SLC30A9: variants seen among roughly 807,000 people sequenced by gnomAD.
The protein encoded by SLC30A9 is proton-coupled zinc antiporter SLC30A9, mitochondrial.
A neutral mutation model predicts 87.5 loss-of-function variants in SLC30A9; 58 were observed. The ratio of observed to expected loss-of-function variants is 0.66; its 90% confidence interval spans 0.54 to 0.82. The LOEUF (loss-of-function observed/expected upper bound fraction) is 0.82, where lower values mean the gene tolerates loss of function less well. Ranked by LOEUF, SLC30A9 falls within the 40% of genes least tolerant of loss-of-function variation. SLC30A9 has a pLI of 0.00. For synonymous variants in SLC30A9, 234 were observed against 233.0 expected (o/e 1.00, Z -0.04); for missense variants, 557 against 679.1 (o/e 0.82, Z 2.00).
chr4:42,046,089 A>T (rs891641085), intron 8 of SLC30A9, among the ~76,000 whole-genome samples: 1 of 152,220 alleles, frequency 6.6e-6, no homozygotes, highest in African/African-American at 2.4e-5. Flanking sequence ...GTATCTCAAA[A>T]TAAAAAGAGC....
At chr4:42,007,843 ATTC>A (rs1715280012) in intron 2 of SLC30A9, among the ~76,000 whole-genome samples, 2 of 152,134 alleles carry the variant, frequency 1.3e-5, no homozygotes, top group South Asian at 2.1e-4. Context: ...CTGTGGTAGT[ATTC>A]TCCCTGGGAT....
intron 2 of SLC30A9, among the ~76,000 whole-genome samples, chr4:42,011,097 C>G (rs575659786): frequency 2.6e-5 from 4 of 152,090 alleles, no homozygotes; most frequent in Non-Finnish European, 5.9e-5. Flanking sequence ...CATTTTCATG[C>G]TGCTATGAGG....
chr4:42,020,742 C>A, intron 4 of SLC30A9: 2 of 384,306 alleles, frequency 5.2e-6, no homozygotes, highest in South Asian at 1.1e-4. Flanking sequence ...TTTCTTAAAC[C>A]CACAATGGTA....
chr4:42,018,221 T>C (rs1435455053), intron 3 of SLC30A9, 51 bp downstream of exon 3: 3 of 1,034,112 alleles, frequency 2.9e-6, no homozygotes, highest in Non-Finnish European at 4.4e-6. Context: ...TTGAATTAAA[T>C]ATATAACATT....
chr4:42,021,557 CT>C (rs1715949409), intron 4 of SLC30A9, among the ~76,000 whole-genome samples: 1 of 152,020 alleles, frequency 6.6e-6, no homozygotes, highest in African/African-American at 2.4e-5. Context: ...ATATATAAGC[CT>C]TTCAGAATTT....
chr4:42,033,578 G>T (rs17838947), intron 6 of SLC30A9, among the ~76,000 whole-genome samples: 1 of 152,034 alleles, frequency 6.6e-6, no homozygotes, highest in African/African-American at 2.4e-5. Flanking sequence ...ATACTTTCTG[G>T]TCTTGCTTTT....
Position 42,034,832 on chromosome 4 carries a change from AG to A in SLC30A9, c.611-442del, listed in dbSNP as rs201716654. 2.3e-3 allele frequency among the ~76,000 whole-genome samples: 357 copies of A among 152,200 alleles called. 2 individuals are homozygous for A. Among genetic ancestry groups the A allele is most frequent in the African/African-American group, 8.1e-3 (335 of 41,550 alleles). Reference sequence around the variant, plus strand: ...GGATTATATGGTAATTCTATGTTACAGTTTTTTTTAGGAACCTTCATATTTT... The same window carrying A: ...GGATTATATGGTAATTCTATGTTACATTTTTTTTAGGAACCTTCATATTTT... On this transcript the variant is annotated intron_variant, in intron 6 of 17. Transcript: ENST00000264451.
chr4:42,019,943 A>G (rs1715877596), intron 3 of SLC30A9, among the ~76,000 whole-genome samples: 2 of 151,782 alleles, frequency 1.3e-5, no homozygotes, highest in Admixed American at 1.3e-4. Context: ...ACAGGCACCC[A>G]CCACCACACC....
intron 9 of SLC30A9, among the ~76,000 whole-genome samples, chr4:42,053,388 A>G (rs1717462224): frequency 6.6e-6 from 1 of 152,138 alleles, no homozygotes; most frequent in Non-Finnish European, 1.5e-5. Flanking sequence ...AATGGTCCCA[A>G]AAGATTTGTA....
intron 2 of SLC30A9, among the ~76,000 whole-genome samples, chr4:42,004,493 CCTCT>C (rs1008952807): frequency 2.0e-5 from 3 of 151,932 alleles, no homozygotes. Context: ...TGTCTTTAAA[CCTCT>C]CTATCGTATT....
intron 1 of SLC30A9, among the ~76,000 whole-genome samples, chr4:41,992,646 C>CTTT (rs967226643): frequency 6.6e-6 from 1 of 152,104 alleles, no homozygotes; most frequent in African/African-American, 2.4e-5. Flanking sequence ...GTCAAAATGA[C>CTTT]TTTGCAAAGT....
intron 9 of SLC30A9, among the ~76,000 whole-genome samples, chr4:42,058,449 A>C (rs1234062537): frequency 6.6e-6 from 1 of 152,174 alleles, no homozygotes; most frequent in East Asian, 1.9e-4. Context: ...TGAGCCCTCC[A>C]AACTGTTCCA....
intron 15 of SLC30A9, among the ~76,000 whole-genome samples, chr4:42,072,915 G>A (rs930322368): frequency 2.0e-5 from 3 of 150,740 alleles, no homozygotes; most frequent in African/African-American, 7.3e-5. Flanking sequence ...CCAGATTCAA[G>A]TGATTCTCCT....
intron 11 of SLC30A9, among the ~76,000 whole-genome samples, chr4:42,065,010 G>T (rs916776044): frequency 6.6e-6 from 1 of 151,966 alleles, no homozygotes; most frequent in Non-Finnish European, 1.5e-5. Context: ...ATTGGTTACT[G>T]TTTGTAACTA....
intron 8 of SLC30A9, among the ~76,000 whole-genome samples, chr4:42,042,902 C>G (rs907577598): frequency 6.6e-6 from 1 of 152,186 alleles, no homozygotes; most frequent in Admixed American, 6.5e-5. Flanking sequence ...GTTTGCTGTT[C>G]TGCAGCCCCT....
rs184716831 is a variant in SLC30A9 at position 42,078,048 on chromosome 4, G to A, written c.1549-164G>A. Reference sequence around the variant, plus strand: ...GTATTATACTCAGTTTTCTTGATCCGAATTGTTTTGGAAATAGGTAATCCA... The same window carrying A: ...GTATTATACTCAGTTTTCTTGATCCAAATTGTTTTGGAAATAGGTAATCCA... On this transcript the variant is annotated intron_variant, in intron 16 of 17. Coordinates refer to ENST00000264451, the MANE Select transcript of SLC30A9 (RefSeq NM_006345.4). Among the ~76,000 whole-genome samples, 201 of 151,978 alleles carry A rather than the reference G, an allele frequency of 1.3e-3. 1 individual carries two copies. The highest frequency in any genetic ancestry group is 4.2e-3 in the African/African-American group (175 of 41,456).
rs566907578 is a variant in SLC30A9 at position 42,038,432 on chromosome 4, GT to G, written c.670-548del. 3.3e-5 allele frequency among the ~76,000 whole-genome samples: 5 copies of G among 152,020 alleles called. No individual in the cohort carries two copies. The East Asian group carries it at 9.7e-4, about 29-fold the overall frequency. On this transcript the variant is annotated intron_variant, in intron 7 of 17. Transcript: ENST00000264451. ...ATTGTTCCCATAATAATTTCATTGA[GT>G]TTTTTCTCTATTCATCCAAATAATA...
At chr4:42,076,250 GC>G (rs1362331940) in intron 16 of SLC30A9, among the ~76,000 whole-genome samples, 4 of 151,970 alleles carry the variant, frequency 2.6e-5, no homozygotes, top group African/African-American at 9.7e-5. Flanking sequence ...GTTACCACTT[GC>G]CCCTGTCAAA....
chr4:41,995,219 CAT>C (rs1294695465), intron 1 of SLC30A9, among the ~76,000 whole-genome samples: 1 of 152,190 alleles, frequency 6.6e-6, no homozygotes, highest in Non-Finnish European at 1.5e-5. Flanking sequence ...GAGATCGTGC[CAT>C]TGCACTCCAG....
Sources: allele counts gnomAD v4.1 joint callset (sites outside exome capture counted in the v4.1 genomes callset), GRCh38; gene constraint gnomAD v4.1.1; transcripts MANE v1.5; gene names NCBI Gene and HGNC (gene_info 2026-07-23, HGNC 2026-07-21).